RFX3: variants seen among roughly 807,000 people sequenced by gnomAD.
RFX3 encodes transcription factor RFX3.
In RFX3, 14 loss-of-function variants were observed where a neutral mutation model predicts 98.6. That is an observed-to-expected ratio of 0.14 (90% CI 0.09 to 0.22). RFX3 has a LOEUF of 0.22. Among genes scored for constraint, RFX3 ranks in the 10% least tolerant of loss-of-function variants. The pLI is 1.00. For synonymous variants in RFX3, 383 were observed against 328.4 expected, an observed-to-expected ratio of 1.17 and a Z score of -1.80; for missense variants, 639 against 926.9, an observed-to-expected ratio of 0.69 and a Z score of 4.03.
Position 3,320,509 on chromosome 9 carries a change from A to C in RFX3, c.474+9750T>G, listed in dbSNP as rs376092168. Among the ~76,000 whole-genome samples, 12 of 151,318 alleles carry C rather than the reference A, an allele frequency of 7.9e-5. No individual in the cohort carries two copies. In the South Asian group the frequency reaches 1.0e-3, roughly 13 times the overall value. ...AGAGGTTGCAGTGAGCCGAGATCAA[A>C]CCACCGCGTTCCAGCCTAGGTGACA... On this transcript the variant is annotated intron_variant, in intron 4 of 16. Coordinates refer to ENST00000617270, the MANE Select transcript of RFX3 (RefSeq NM_001282116.2).
At chr9:3,396,787 G>A (rs1489903655) in intron 1 of RFX3, among the ~76,000 whole-genome samples, 2 of 152,072 alleles carry the variant, frequency 1.3e-5, no homozygotes, top group Non-Finnish European at 2.9e-5. Flanking sequence ...TTCTCTGATC[G>A]CCAGTGATGA....
At chr9:3,264,119 T>C (rs1823298086) in intron 12 of RFX3, among the ~76,000 whole-genome samples, 1 of 152,274 alleles carries the variant, frequency 6.6e-6, no homozygotes, top group Admixed American at 6.5e-5. Context: ...TCTTAAACTC[T>C]GTTTATCCCC....
At chr9:3,337,978 C>T (rs551749902) in intron 3 of RFX3, among the ~76,000 whole-genome samples, 1 of 152,284 alleles carries the variant, frequency 6.6e-6, no homozygotes, top group African/African-American at 2.4e-5. Context: ...GCATGCACTA[C>T]TTATTTACTT....
chr9:3,270,130 A>AGAAAGAAAG (rs1563833716), intron 11 of RFX3, among the ~76,000 whole-genome samples: 20 of 107,274 alleles, frequency 1.9e-4, no homozygotes, highest in Non-Finnish European at 3.3e-4. Context: ...AAGAAAGGAA[A>AGAAAGAAAG]GAAAGAAAGA....
intron 2 of RFX3, among the ~76,000 whole-genome samples, chr9:3,355,597 A>T (rs573209241): frequency 1.3e-5 from 2 of 151,926 alleles, no homozygotes; most frequent in Admixed American, 1.3e-4. Flanking sequence ...TCCAGTTACA[A>T]TTGGAGACTT....
chr9:3,285,425 A>G lies in RFX3; in HGVS notation c.851+2706T>C, dbSNP rs561504286. ...AAGTTCTTTTCCCACTGTTTTCAAC[A>G]AATATTCTTAAATTAGTTTATGTCC... On this transcript the variant is annotated intron_variant, in intron 7 of 16. Transcript: ENST00000617270. Among the ~76,000 whole-genome samples the G allele has an allele frequency of 6.6e-5, 10 of 151,900 alleles. No homozygotes were observed. In the East Asian group the frequency reaches 1.9e-3, roughly 29 times the overall value.
At chr9:3,254,484 G>A (rs540972399) in intron 14 of RFX3, among the ~76,000 whole-genome samples, 3 of 151,748 alleles carry the variant, frequency 2.0e-5, no homozygotes, top group Admixed American at 2.0e-4. Context: ...TTGTTATCTG[G>A]GAAAAAACTT....
At chr9:3,470,415 C>T (rs542574838) in intron 1 of RFX3, among the ~76,000 whole-genome samples, 3 of 151,372 alleles carry the variant, frequency 2.0e-5, no homozygotes, top group Non-Finnish European at 4.4e-5. Flanking sequence ...ACCGGGTTCA[C>T]GCCATTCTCC....
At chr9:3,362,384 T>C (rs967611142) in intron 2 of RFX3, among the ~76,000 whole-genome samples, 2 of 152,240 alleles carry the variant, frequency 1.3e-5, no homozygotes, top group African/African-American at 2.4e-5. Flanking sequence ...AATTCACTCA[T>C]TGCCCCTGTG....
chr9:3,338,344 G>C (rs1367907927), intron 3 of RFX3, among the ~76,000 whole-genome samples: 2 of 152,160 alleles, frequency 1.3e-5, no homozygotes, highest in African/African-American at 2.4e-5. Context: ...GGGAGGAAAT[G>C]CAAGAATAAA....
intron 1 of RFX3, among the ~76,000 whole-genome samples, chr9:3,396,443 T>C (rs1032779802): frequency 2.0e-5 from 3 of 152,310 alleles, no homozygotes; most frequent in African/African-American, 7.2e-5. Context: ...TCTATCATTG[T>C]TGGACATTTG....
chr9:3,423,778 C>CATATATATATATATATATAT lies in RFX3; in HGVS notation c.-8-28202_-8-28183dup, dbSNP rs61209874. ...TTTCATTTTATGTATTATATATTTT[C>CATATATATATATATATATAT]ATATATATATATATATATATATATA... On this transcript the variant is annotated intron_variant, in intron 1 of 16. Transcript: ENST00000617270. 8.1e-5 allele frequency among the ~76,000 whole-genome samples: 9 copies of CATATATATATATATATATAT among 111,046 alleles called. 2 individuals carry two copies. The highest frequency in any genetic ancestry group is 1.5e-4 in the Non-Finnish European group (8 of 55,128). The allele number at this position is 111,046 out of a possible 152,430, so 72.9% of individuals were successfully genotyped here. A position where few individuals can be genotyped will look rare whatever the true frequency, so the allele number is the denominator to read the frequency against.
intron 1 of RFX3, among the ~76,000 whole-genome samples, chr9:3,511,195 T>G (rs1247342827): frequency 6.6e-6 from 1 of 152,016 alleles, no homozygotes; most frequent in Non-Finnish European, 1.5e-5. Context: ...TCTTAATCAT[T>G]TAATTAGGTT....
intron 1 of RFX3, among the ~76,000 whole-genome samples, chr9:3,403,773 T>G (rs753111772): frequency 2.6e-5 from 4 of 152,134 alleles, no homozygotes; most frequent in Non-Finnish European, 5.9e-5. Context: ...AAGATTGGCT[T>G]AAAAGGCAGC....
intron 1 of RFX3, among the ~76,000 whole-genome samples, chr9:3,422,024 G>A (rs1843487040): frequency 6.6e-6 from 1 of 151,772 alleles, no homozygotes; most frequent in Non-Finnish European, 1.5e-5. Context: ...AATCTAAGGA[G>A]GCATTTGGAT....
intron 1 of RFX3, among the ~76,000 whole-genome samples, chr9:3,522,075 A>C: frequency 6.6e-6 from 1 of 152,292 alleles, no homozygotes; most frequent in East Asian, 1.9e-4. Context: ...GAAAACTCTA[A>C]AAGTAGATTT....
chr9:3,363,713 T>C (rs889637295), intron 2 of RFX3, among the ~76,000 whole-genome samples: 2 of 152,196 alleles, frequency 1.3e-5, no homozygotes, highest in Non-Finnish European at 2.9e-5. Flanking sequence ...AAAGATACAA[T>C]GACAACTCAA....
At chr9:3,508,535 A>G (rs1817339219) in intron 1 of RFX3, among the ~76,000 whole-genome samples, 2 of 151,912 alleles carry the variant, frequency 1.3e-5, no homozygotes, top group Admixed American at 6.6e-5. Context: ...AAAATGATAA[A>G]GAATAAAAAA....
intron 2 of RFX3, among the ~76,000 whole-genome samples, chr9:3,387,053 G>C (rs550739598): frequency 1.3e-5 from 2 of 152,194 alleles, no homozygotes; most frequent in East Asian, 3.9e-4. Flanking sequence ...AATCTTTCAT[G>C]CTTTCCTTTA....
Sources: gnomAD v4.1 joint callset for allele counts (sites outside exome capture counted in the v4.1 genomes callset) on GRCh38, gnomAD v4.1.1 for gene constraint, MANE v1.5 for transcripts, NCBI Gene and HGNC (gene_info 2026-07-23, HGNC 2026-07-21) for gene names.